CDH26: variants seen among roughly 807,000 people sequenced by gnomAD.
CDH26 encodes the protein cadherin-like protein 26.
A neutral mutation model predicts 90.3 loss-of-function variants in CDH26; 83 were observed. The observed-to-expected ratio is 0.92, with a 90% confidence interval of 0.77 to 1.10. The LOEUF is 1.10. CDH26 is among the 50% of genes least tolerant of loss of function. CDH26 has a pLI of 0.00. For synonymous variants in CDH26, 397 were observed against 396.3 expected (o/e 1.00, Z -0.02); for missense variants, 1,013 against 1,037.6 (o/e 0.98, Z 0.33).
intron 1 of CDH26, among the ~76,000 whole-genome samples, chr20:59,964,536 A>T (rs987094014): frequency 6.6e-6 from 1 of 152,110 alleles, no homozygotes; most frequent in Non-Finnish European, 1.5e-5. Flanking sequence ...TTTGGCACAG[A>T]TGAGAAATAT....
At chr20:60,002,968 G>C in intron 16 of CDH26, 102 bp downstream of exon 16, 1 of 798,172 alleles carries the variant, frequency 1.3e-6, no homozygotes, top group African/African-American at 1.8e-5. Context: ...GGAAAGAGGT[G>C]ATAAAAAAAA....
chr20:60,009,430 G>A (rs1379808156), intron 17 of CDH26, among the ~76,000 whole-genome samples: 5 of 152,160 alleles, frequency 3.3e-5, no homozygotes, highest in African/African-American at 7.2e-5. Context: ...TCACATTTGC[G>A]CACACACACG....
intron 17 of CDH26, among the ~76,000 whole-genome samples, chr20:60,007,251 T>G (rs1164817557): frequency 2.0e-5 from 3 of 152,150 alleles, no homozygotes; most frequent in Non-Finnish European, 2.9e-5. Context: ...GGAACACAAT[T>G]AAGTCCATAG....
At chr20:59,998,466 G>A (rs920404306) in intron 13 of CDH26, among the ~76,000 whole-genome samples, 1 of 152,234 alleles carries the variant, frequency 6.6e-6, no homozygotes, top group African/African-American at 2.4e-5. Flanking sequence ...GTGATGCTAA[G>A]ACCAGGAGGG....
intron 16 of CDH26, among the ~76,000 whole-genome samples, chr20:60,004,675 A>G (rs1053791498): frequency 9.8e-4 from 147 of 150,222 alleles, no homozygotes; most frequent in African/African-American, 3.4e-3. Context: ...CTGAGGCAGG[A>G]GAATGGCATG....
Position 59,959,214 on chromosome 20 carries a change from C to T in CDH26, c.69+419C>T, listed in dbSNP as rs376646092. Among the ~76,000 whole-genome samples, 4 of 152,282 alleles carry T rather than the reference C, an allele frequency of 2.6e-5. No individual in the cohort carries two copies. In the East Asian group the frequency reaches 7.7e-4, roughly 29 times the overall value. On this transcript the variant is annotated intron_variant, in intron 1 of 17. Transcript: ENST00000348616. ...CTCCCAGGCTCAGGTGATCCTTCCA[C>T]CTCAGCCTCAAGAGTAGCTGGGACT...
chr20:59,967,880 C>CTTTCTCTCTCTCTCTCTCT (rs1195650307), intron 1 of CDH26, among the ~76,000 whole-genome samples: 13 of 74,922 alleles, frequency 1.7e-4, no homozygotes, highest in Non-Finnish European at 4.9e-5. Context: ...TTTCTTTCTT[C>CTTTCTCTCTCTCTCTCTCT]CTTCCTTCCT....
intron 17 of CDH26, among the ~76,000 whole-genome samples, chr20:60,007,599 GGACAGCAGTGATAACTT>G: frequency 6.6e-6 from 1 of 152,298 alleles, no homozygotes; most frequent in South Asian, 2.1e-4. Context: ...GAACTTTCTA[GGACAGCAGTGATAACTT>G]CTGGGTCACT....
chr20:60,029,800 G>A (rs939255767), intron 7 of CDH26, among the ~76,000 whole-genome samples: 8 of 152,008 alleles, frequency 5.3e-5, no homozygotes, highest in Admixed American at 2.6e-4. Flanking sequence ...CCACATCCCC[G>A]CAAAGGACAT....
At position 60,013,897 on chromosome 20, in the gene CDH26, AT is replaced by A. The variant is rs1044804615; in HGVS notation, c.*1170del. 1 of 152,214 alleles carries A rather than the reference AT, an allele frequency of 6.6e-6. No individual in the cohort carries two copies. Among genetic ancestry groups the A allele is most frequent in the African/African-American group, 2.4e-5 (1 of 41,454 alleles). The allele number at this position is 152,214 out of a possible 1,614,324, so 9.4% of individuals were successfully genotyped here. A position where few individuals can be genotyped will look rare whatever the true frequency, so the allele number is the denominator to read the frequency against. ...GAAGCTGAAAAAGAAGAAAAATCAC[AT>A]TTAAAGCACTGGAATGTCTGAATGG... On this transcript the variant is annotated 3_prime_UTR_variant, in exon 18 of 18. Transcript: ENST00000348616.
intron 1 of CDH26, among the ~76,000 whole-genome samples, chr20:59,965,759 G>A (rs1053326127): frequency 6.6e-6 from 1 of 152,128 alleles, no homozygotes; most frequent in African/African-American, 2.4e-5. Context: ...ACACTGTAAT[G>A]TCTTAACAGT....
At chr20:60,022,800 A>G (rs2061968173) in intron 7 of CDH26, among the ~76,000 whole-genome samples, 1 of 152,252 alleles carries the variant, frequency 6.6e-6, no homozygotes, top group Non-Finnish European at 1.5e-5. Flanking sequence ...TTCTGGAGCC[A>G]TGAAAACAGT....
intron 7 of CDH26, among the ~76,000 whole-genome samples, chr20:60,021,643 G>T (rs1320868801): frequency 6.6e-6 from 1 of 151,822 alleles, no homozygotes; most frequent in East Asian, 1.9e-4. Flanking sequence ...CAGCAGTTTT[G>T]CTTATTTGTG....
chr20:59,969,982 G>C (rs2061234365), intron 2 of CDH26, 100 bp from the exon 3 acceptor site: 2 of 1,483,340 alleles, frequency 1.3e-6, no homozygotes, highest in African/African-American at 1.4e-5. Context: ...TGCAGGCCAG[G>C]TGTCAGCACA....
In CDH26 at chr20:60,012,561, C is replaced by G; in HGVS notation, c.2330C>G (p.Pro777Arg). Residue 777 changes from proline (P) to arginine (R), a missense_variant, in exon 18 of 18, where the codon CCC (proline) becomes CGC (arginine). Coordinates refer to ENST00000348616, the MANE Select transcript of CDH26 (RefSeq NM_177980.4). ...LHVANVLEDD[P>R]GYLPHVYSEE... is the part of the protein sequence containing the mutation. ...GTTGCCAATGTGCTGGAAGATGACC[C>G]CGGCTACCTACCTCACGTCTACAGC... 1.9e-6 allele frequency: 3 copies of G among 1,614,014 alleles called. No individual in the cohort carries two copies. The highest frequency in any genetic ancestry group is 2.5e-6 in the Non-Finnish European group (3 of 1,179,952).
chr20:60,008,200 A>G (rs1328500767), intron 17 of CDH26, among the ~76,000 whole-genome samples: 1 of 152,252 alleles, frequency 6.6e-6, no homozygotes, highest in African/African-American at 2.4e-5. Flanking sequence ...AGTCTCTGTC[A>G]GGCCAGACTT....
At chr20:60,005,619 A>C (rs371267898) in intron 16 of CDH26, among the ~76,000 whole-genome samples, 1 of 152,172 alleles carries the variant, frequency 6.6e-6, no homozygotes, top group South Asian at 2.1e-4. Flanking sequence ...AGGTAAGATC[A>C]GAAGTCATCT....
intron 17 of CDH26, among the ~76,000 whole-genome samples, chr20:60,009,869 C>G (rs1304953474): frequency 1.3e-5 from 2 of 152,130 alleles, no homozygotes; most frequent in Non-Finnish European, 2.9e-5. Flanking sequence ...AGCTTCACTG[C>G]AAGGACGTGA....
intron 7 of CDH26, among the ~76,000 whole-genome samples, chr20:60,028,610 G>A (rs1453632164): frequency 6.6e-6 from 1 of 152,198 alleles, no homozygotes; most frequent in Non-Finnish European, 1.5e-5. Context: ...GACACAGCAT[G>A]GGCAACAGCT....
Sources: gnomAD v4.1 joint callset for allele counts (sites outside exome capture counted in the v4.1 genomes callset) on GRCh38, gnomAD v4.1.1 for gene constraint, MANE v1.5 for transcripts, NCBI Gene and HGNC (gene_info 2026-07-23, HGNC 2026-07-21) for gene names.